The following FOXP2 variants were observed in gnomAD, a reference collection of about 807,000 sequenced individuals.
FOXP2 encodes the protein forkhead box P2, also known as forkhead box protein P2.
In FOXP2, 12 loss-of-function variants were observed where a neutral mutation model predicts 115.8. That is an observed-to-expected ratio of 0.10 (90% CI 0.07 to 0.17). The LOEUF is 0.17. FOXP2 is among the 10% of genes least tolerant of loss of function. The probability of loss-of-function intolerance (pLI) is 1.00; values close to 1 mark genes in which losing one functional copy is unlikely to be tolerated. For missense variants in FOXP2, 629 were observed against 843.5 expected (o/e 0.75, Z 3.15); for synonymous variants, 328 against 297.7 (o/e 1.10, Z -1.05).
chr7:114,509,320 T>C (rs1323596603), intron 2 of FOXP2, among the ~76,000 whole-genome samples: 2 of 152,110 alleles, frequency 1.3e-5, no homozygotes, highest in African/African-American at 4.8e-5. Context: ...TTCGCTCTTG[T>C]TGCCCAGGCT....
Position 114,689,967 on chromosome 7 carries a change from T to C in FOXP2, c.*41T>C. On this transcript the variant is annotated 3_prime_UTR_variant, in exon 17 of 17. Coordinates refer to ENST00000350908, the MANE Select transcript of FOXP2 (RefSeq NM_014491.4). ...ACCTCAGCGTGAAGGGACATATCACTGACCTTCATAACCACTCCACAACCA... is the reference window on the plus strand; with the variant it reads ...ACCTCAGCGTGAAGGGACATATCACCGACCTTCATAACCACTCCACAACCA... 1 of 1,607,346 alleles carries C rather than the reference T, an allele frequency of 6.2e-7. No homozygotes were observed. The highest frequency in any genetic ancestry group is 8.5e-7 in the Non-Finnish European group (1 of 1,175,754).
At chr7:114,322,217 A>G (rs1797442366) in intron 2 of FOXP2, among the ~76,000 whole-genome samples, 1 of 151,696 alleles carries the variant, frequency 6.6e-6, no homozygotes, top group Non-Finnish European at 1.5e-5. Context: ...ATAGAGTCTC[A>G]CTATATTATT....
At chr7:114,271,024 A>G (rs1796020425) in intron 1 of FOXP2, among the ~76,000 whole-genome samples, 1 of 151,910 alleles carries the variant, frequency 6.6e-6, no homozygotes, top group Admixed American at 6.6e-5. Context: ...TGAAAAGACC[A>G]TCTCTGCTCA....
chr7:114,303,127 C>T (rs1289036208), intron 2 of FOXP2, among the ~76,000 whole-genome samples: 2 of 152,118 alleles, frequency 1.3e-5, no homozygotes, highest in African/African-American at 2.4e-5. Flanking sequence ...TAATTTGTTA[C>T]ACAGCAATAG....
intron 1 of FOXP2, among the ~76,000 whole-genome samples, chr7:114,120,332 G>T (rs1192664057): frequency 1.3e-5 from 2 of 152,132 alleles, no homozygotes; most frequent in Non-Finnish European, 2.9e-5. Flanking sequence ...TAAGAGTTTT[G>T]TATGGCGTTA....
intron 3 of FOXP2, among the ~76,000 whole-genome samples, chr7:114,543,098 T>TA (rs961999597): frequency 5.3e-5 from 8 of 152,130 alleles, no homozygotes; most frequent in African/African-American, 1.9e-4. Flanking sequence ...TCAAAATATT[T>TA]AAGTCACCCT....
At chr7:114,483,738 G>C (rs1223227240) in intron 2 of FOXP2, among the ~76,000 whole-genome samples, 1 of 151,652 alleles carries the variant, frequency 6.6e-6, no homozygotes, top group Non-Finnish European at 1.5e-5. Flanking sequence ...TGTGTCCAAA[G>C]GGTGCTTAAC....
chr7:114,137,054 T>G (rs1471924631), intron 1 of FOXP2, among the ~76,000 whole-genome samples: 1 of 152,068 alleles, frequency 6.6e-6, no homozygotes, highest in African/African-American at 2.4e-5. Flanking sequence ...TGAGTTTGCC[T>G]TTCATCAAAA....
intron 1 of FOXP2, among the ~76,000 whole-genome samples, chr7:114,286,372 T>C (rs892424990): frequency 6.6e-6 from 1 of 152,014 alleles, no homozygotes; most frequent in East Asian, 1.9e-4. Context: ...TGCTTTTAAA[T>C]GGGTTTAAAA....
chr7:114,260,656 A>T (rs1795725431), intron 1 of FOXP2, among the ~76,000 whole-genome samples: 1 of 152,168 alleles, frequency 6.6e-6, no homozygotes, highest in South Asian at 2.1e-4. Flanking sequence ...ACGCATGAAC[A>T]ACTAAGGATT....
intron 1 of FOXP2, among the ~76,000 whole-genome samples, chr7:114,247,958 C>T (rs956495333): frequency 2.3e-4 from 35 of 152,002 alleles, no homozygotes; most frequent in Non-Finnish European, 4.4e-5. Flanking sequence ...AACACACACA[C>T]GTACACACAC....
rs149870081 is a variant in FOXP2, at chr7:114,536,471, G to A, written c.258+1765G>A. ...ATTTGATACTTGGACTAAAATATAC[G>A]TACTTTTCCTTACAAAATACCCACA... On this transcript the variant is annotated intron_variant, in intron 3 of 16. Coordinates refer to ENST00000350908, the MANE Select transcript of FOXP2 (RefSeq NM_014491.4). Among the ~76,000 whole-genome samples, 12 of 139,922 alleles carry A rather than the reference G, an allele frequency of 8.6e-5. No individual in the cohort carries two copies. The East Asian group carries it at 1.1e-3, about 12-fold the overall frequency. The allele number at this position is 139,922 out of a possible 152,430, so 91.8% of individuals were successfully genotyped here.
intron 2 of FOXP2, among the ~76,000 whole-genome samples, chr7:114,341,626 A>G (rs1791219787): frequency 1.3e-5 from 2 of 151,396 alleles, no homozygotes; most frequent in African/African-American, 4.8e-5. Flanking sequence ...AATCAGAAAT[A>G]ATGATCCATC....
chr7:114,456,053 C>G (rs1361857163), intron 2 of FOXP2, among the ~76,000 whole-genome samples: 1 of 152,088 alleles, frequency 6.6e-6, no homozygotes, highest in Non-Finnish European at 1.5e-5. Flanking sequence ...CCCTGAAAGC[C>G]CCTCCCCTCA....
chr7:114,322,178 A>G (rs1344947173), intron 2 of FOXP2, among the ~76,000 whole-genome samples: 2 of 151,696 alleles, frequency 1.3e-5, no homozygotes, highest in Non-Finnish European at 2.9e-5. Context: ...ACATGCCACC[A>G]TGCCCAGCTA....
intron 2 of FOXP2, among the ~76,000 whole-genome samples, chr7:114,432,982 G>A (rs1486992496): frequency 6.6e-6 from 1 of 151,888 alleles, no homozygotes; most frequent in African/African-American, 2.4e-5. Flanking sequence ...GCAGTAACTC[G>A]ATTTCACTGT....
At chr7:114,193,514 A>G (rs1471101611) in intron 1 of FOXP2, among the ~76,000 whole-genome samples, 1 of 151,920 alleles carries the variant, frequency 6.6e-6, no homozygotes, top group Non-Finnish European at 1.5e-5. Flanking sequence ...ATAATACATT[A>G]TATTTATATT....
intron 2 of FOXP2, among the ~76,000 whole-genome samples, chr7:114,336,305 T>A (rs1399813913): frequency 2.6e-5 from 4 of 151,524 alleles, no homozygotes; most frequent in African/African-American, 9.7e-5. Flanking sequence ...TGAAAAATAA[T>A]CATGCAGGTA....
At chr7:114,307,135 G>C (rs1331131195) in intron 2 of FOXP2, among the ~76,000 whole-genome samples, 1 of 152,060 alleles carries the variant, frequency 6.6e-6, no homozygotes, top group Non-Finnish European at 1.5e-5. Flanking sequence ...ATTGGTTTCT[G>C]GTGAATTTTC....
Sources: gnomAD v4.1 joint callset for allele counts (sites outside exome capture counted in the v4.1 genomes callset) on GRCh38, gnomAD v4.1.1 for gene constraint, MANE v1.5 for transcripts, NCBI Gene and HGNC (gene_info 2026-07-23, HGNC 2026-07-21) for gene names.